The following BSPRY variants were observed in gnomAD, a reference collection of about 807,000 sequenced individuals.
BSPRY encodes B-box and SPRY domain containing, also known as B box and SPRY domain-containing protein.
Under a neutral mutation model 38.0 loss-of-function variants are expected in BSPRY, and 33 were observed. The ratio of observed to expected loss-of-function variants is 0.87; its 90% confidence interval spans 0.66 to 1.16. The LOEUF (loss-of-function observed/expected upper bound fraction) is 1.16, where lower values mean the gene tolerates loss of function less well. Among genes scored for constraint, BSPRY ranks in the 50% most tolerant of loss-of-function variants. BSPRY has a pLI of 0.00. For missense variants in BSPRY, 523 were observed against 533.2 expected (o/e 0.98, Z 0.19); for synonymous variants, 224 against 228.5 (o/e 0.98, Z 0.18).
chr9:113,351,934 C>T (rs909765228), intron 1 of BSPRY, among the ~76,000 whole-genome samples: 3 of 152,106 alleles, frequency 2.0e-5, no homozygotes, highest in Non-Finnish European at 4.4e-5. Context: ...CTCAGCCTCC[C>T]GAGTAGCTGG....
rs752645388 is a variant in BSPRY, at chr9:113,369,819, T to C, written c.886T>C (p.Cys296Arg). Reference sequence around the variant, plus strand: ...CTGGATGGTGAATGTCCAGAACAGTTGTGCCTATAAGGTGGGCGTGGCTTC... The same window carrying C: ...CTGGATGGTGAATGTCCAGAACAGTCGTGCCTATAAGGTGGGCGTGGCTTC... The part of the protein sequence containing the change: ...HAWMVNVQNS[C>R]AYKVGVASGH... The change falls in exon 6 of 6, where the codon TGT becomes CGT. Residue 296 changes from cysteine (C) to arginine (R), a missense_variant. Coordinates refer to ENST00000374183, the MANE Select transcript of BSPRY (RefSeq NM_017688.3). 6.2e-7 allele frequency: 1 copy of C among 1,614,236 alleles called. No individual in the cohort carries two copies. The highest frequency in any genetic ancestry group is 2.2e-5 in the East Asian group (1 of 44,878).
intron 5 of BSPRY, 144 bp from the exon 6 acceptor site, chr9:113,369,472 C>T (rs1335492323): frequency 1.7e-5 from 14 of 804,762 alleles, no homozygotes; most frequent in Admixed American, 1.5e-4. Context: ...TTTTGACCCC[C>T]GTTTTGCAGA....
chr9:113,355,983 T>C (rs1834051314), intron 2 of BSPRY, among the ~76,000 whole-genome samples: 2 of 152,178 alleles, frequency 1.3e-5, no homozygotes, highest in South Asian at 4.1e-4. Flanking sequence ...CAAATCTTTA[T>C]TGAGCACCTA....
intron 2 of BSPRY, among the ~76,000 whole-genome samples, chr9:113,356,196 C>A (rs775687476): frequency 1.3e-5 from 2 of 152,036 alleles, no homozygotes; most frequent in Non-Finnish European, 2.9e-5. Flanking sequence ...GTGCTGTGAC[C>A]AGGAATGACT....
intron 2 of BSPRY, 100 bp downstream of exon 2, chr9:113,354,438 C>G (rs565262878): frequency 1.2e-6 from 1 of 843,148 alleles, no homozygotes; most frequent in African/African-American, 1.7e-5. Context: ...ACCTCACAGA[C>G]TCATTGTGCT....
Position 113,369,666 on chromosome 9 carries a change from T to C in BSPRY, c.733T>C (p.Leu245=), listed in dbSNP as rs140897615. 4.3e-4 allele frequency: 690 copies of C among 1,614,178 alleles called. 2 individuals are homozygous for C. Among genetic ancestry groups the C allele is most frequent in the Middle Eastern group, 3.5e-3 (21 of 6,058 alleles). ...DERTVSPFLQ[L]SDDRKTLTFS... The stretch of plus-strand genomic sequence containing the variant: ...GAGGACAGTCAGCCCCTTCCTGCAA[T>C]TGTCAGATGATCGAAAGACCCTGAC... The change falls in exon 6 of 6, where the codon TTG becomes CTG. Residue 245 remains leucine (L), a synonymous_variant. Coordinates refer to ENST00000374183, the MANE Select transcript of BSPRY (RefSeq NM_017688.3).
chr9:113,351,876 T>G, intron 1 of BSPRY, among the ~76,000 whole-genome samples: 1 of 152,140 alleles, frequency 6.6e-6, no homozygotes, highest in Admixed American at 6.6e-5. Flanking sequence ...GTGGTGCTAT[T>G]TCAGCTCACT....
At chr9:113,352,238 G>GC (rs1196031761) in intron 1 of BSPRY, among the ~76,000 whole-genome samples, 2 of 152,148 alleles carry the variant, frequency 1.3e-5, no homozygotes, top group East Asian at 1.9e-4. Context: ...TTTATTCAGG[G>GC]CCTTCTATGT....
At chr9:113,349,884 C>T (rs773631236) in intron 1 of BSPRY, 104 bp downstream of exon 1, 30 of 1,181,332 alleles carry the variant, frequency 2.5e-5, no homozygotes, top group Non-Finnish European at 2.7e-5. Flanking sequence ...GGACTCGACA[C>T]CCGGCCCCGG....
Position 113,369,897 on chromosome 9 carries a change from G to A in BSPRY, c.964G>A (p.Ala322Thr). The change falls in exon 6 of 6, where the codon GCC (alanine) becomes ACC (threonine). Residue 322 changes from alanine to threonine, a missense_variant. Transcript: ENST00000374183. ...SGSDCRLGHN[A>T]FSWVFSRYDQ... ...CAGTGACTGCCGTCTGGGCCACAAT[G>A]CCTTCTCCTGGGTCTTCTCTCGCTA... is the stretch of plus-strand genomic sequence containing the variant. 6.2e-6 allele frequency: 10 copies of A among 1,614,214 alleles called. No homozygotes were observed. Among genetic ancestry groups the A allele is most frequent in the Non-Finnish European group, 8.5e-6 (10 of 1,180,042 alleles).
chr9:113,354,244 A>T lies in BSPRY; in HGVS notation c.206A>T (p.Lys69Met), dbSNP rs1254917186. ...CAAGCGTTGTTTGTGTTGCAGAACAAGATTGTGGACCAGTGTGAGAGGCTG... is the reference window on the plus strand; with the variant it reads ...CAAGCGTTGTTTGTGTTGCAGAACATGATTGTGGACCAGTGTGAGAGGCTG... ...AEERAEELRN[K>M]IVDQCERLQL... Residue 69 changes from lysine (K) to methionine (M), a missense_variant, in exon 2 of 6, where the codon AAG becomes ATG. Physicochemically the swap from Lys to Met is moderately conservative, Grantham distance 95 (BLOSUM62 -1). Coordinates refer to ENST00000374183, the MANE Select transcript of BSPRY (RefSeq NM_017688.3). 9 of 1,613,880 alleles carry T rather than the reference A, an allele frequency of 5.6e-6. No homozygotes were observed. The highest frequency in any genetic ancestry group is 6.8e-6 in the Non-Finnish European group (8 of 1,179,738).
intron 5 of BSPRY, among the ~76,000 whole-genome samples, chr9:113,368,597 G>A (rs1257828417): frequency 6.6e-6 from 1 of 152,202 alleles, no homozygotes; most frequent in African/African-American, 2.4e-5. Context: ...CATGTTCTGT[G>A]GTTGGGTCAA....
chr9:113,352,030 C>T (rs948320372), intron 1 of BSPRY, among the ~76,000 whole-genome samples: 1 of 152,108 alleles, frequency 6.6e-6, no homozygotes, highest in Non-Finnish European at 1.5e-5. Context: ...AGGCTGGTCT[C>T]GAACTCCTGA....
chr9:113,349,700 T>C lies in BSPRY; in HGVS notation c.121T>C (p.Cys41Arg). 1 of 1,237,852 alleles carries C rather than the reference T, an allele frequency of 8.1e-7. No homozygotes were observed. Among genetic ancestry groups the C allele is most frequent in the South Asian group, 3.4e-5 (1 of 29,232 alleles). The allele number at this position is 1,237,852 out of a possible 1,614,324, so 76.7% of individuals were successfully genotyped here. A position where few individuals can be genotyped will look rare whatever the true frequency, so the allele number is the denominator to read the frequency against. ...CTGCGGCTCCGAGCGACGGCCCGTG[T>C]GCGCCGCCTGCGCGGGGTTGGGCGG... ...WFCGSERRPV[C>R]AACAGLGGRC... is the part of the protein sequence containing the mutation. The change falls in exon 1 of 6, where the codon TGC (cysteine) becomes CGC (arginine). Residue 41 changes from cysteine to arginine, a missense_variant. Transcript: ENST00000374183.
At chr9:113,363,035 T>C (rs1196503962) in intron 4 of BSPRY, among the ~76,000 whole-genome samples, 2 of 152,238 alleles carry the variant, frequency 1.3e-5, no homozygotes, top group Non-Finnish European at 2.9e-5. Context: ...TCTTATTTAT[T>C]TACTTATTTT....
Position 113,364,195 on chromosome 9 carries a change from CA to C in BSPRY, c.557+1808del, listed in dbSNP as rs201380812. 4.4e-3 allele frequency among the ~76,000 whole-genome samples: 667 copies of C among 152,074 alleles called. 4 individuals carry two copies. Among genetic ancestry groups the C allele is most frequent in the African/African-American group, 0.015 (607 of 41,494 alleles). ...GAGTGAAACCCTGTCTCAAAAAAAA[CA>C]AAAAAATCAAAACACAGATAGGATC... On this transcript the variant is annotated intron_variant, in intron 4 of 5. Coordinates refer to ENST00000374183, the MANE Select transcript of BSPRY (RefSeq NM_017688.3).
Position 113,360,603 on chromosome 9 carries a change from C to T in BSPRY, c.397C>T (p.His133Tyr). 6.2e-7 allele frequency: 1 copy of T among 1,609,040 alleles called. No individual in the cohort carries two copies. The highest frequency in any genetic ancestry group is 8.5e-7 in the Non-Finnish European group (1 of 1,178,818). The stretch of plus-strand genomic sequence containing the variant: ...GGAGCAGCGGTTACTGGAACAGGTG[C>T]ATGGCGAAGAGGAGCGGGCCCACCA... ...SEEQRLLEQV[H>Y]GEEERAHQSI... is the part of the protein sequence containing the mutation. The change falls in exon 3 of 6, where the codon CAT becomes TAT. Residue 133 changes from histidine to tyrosine, a missense_variant. By Grantham distance (83) the His-to-Tyr change is moderately conservative. Transcript: ENST00000374183.
intron 3 of BSPRY, among the ~76,000 whole-genome samples, 191 bp downstream of exon 3, chr9:113,360,928 C>T (rs1404992360): frequency 2.6e-5 from 4 of 152,188 alleles, no homozygotes; most frequent in African/African-American, 9.7e-5. Context: ...CTGTGCACTT[C>T]ATTATAAAAT....
chr9:113,360,517 G>A lies in BSPRY; in HGVS notation c.311G>A (p.Ser104Asn). Reference protein sequence around the residue: ...GKNQRAVSMASAARELVIQRL... With the variant: ...GKNQRAVSMANAARELVIQRL... ...TTTATCCCTCATTAGAGCATGGCCAGTGCAGCGAGGGAACTGGTTATCCAG... is the reference window on the plus strand; with the variant it reads ...TTTATCCCTCATTAGAGCATGGCCAATGCAGCGAGGGAACTGGTTATCCAG... Residue 104 changes from serine to asparagine, a missense_variant, in exon 3 of 6, where the codon AGT (serine) becomes AAT (asparagine). Ser to Asn is a conservative substitution (Grantham distance 46, BLOSUM62 1). Transcript: ENST00000374183. 2 of 1,596,686 alleles carry A rather than the reference G, an allele frequency of 1.3e-6. No individual in the cohort carries two copies. The highest frequency in any genetic ancestry group is 1.7e-6 in the Non-Finnish European group (2 of 1,173,650).
Sources: gnomAD v4.1 joint callset for allele counts (sites outside exome capture counted in the v4.1 genomes callset) on GRCh38, gnomAD v4.1.1 for gene constraint, MANE v1.5 for transcripts, NCBI Gene and HGNC (gene_info 2026-07-23, HGNC 2026-07-21) for gene names.